RANBP17: variants seen among roughly 807,000 people sequenced by gnomAD.
RANBP17 encodes the protein RAN binding protein 17.
A neutral mutation model predicts 141.2 loss-of-function variants in RANBP17; 158 were observed. That is an observed-to-expected ratio of 1.12 (90% CI 0.98 to 1.28). RANBP17 has a LOEUF of 1.28. RANBP17 is among the 50% of genes most tolerant of loss of function. RANBP17 has a pLI of 0.00. For synonymous variants in RANBP17, 430 were observed against 450.0 expected (o/e 0.96, Z 0.56); for missense variants, 1,438 against 1,290.7 (o/e 1.11, Z -1.75).
chr5:171,153,800 G>A (rs960792197), intron 14 of RANBP17, among the ~76,000 whole-genome samples: 87 of 152,256 alleles, frequency 5.7e-4, no homozygotes, highest in African/African-American at 2.1e-3. Flanking sequence ...GTAATCTTCA[G>A]GCGGATCACC....
At chr5:170,927,216 T>G (rs1772999556) in intron 12 of RANBP17, among the ~76,000 whole-genome samples, 1 of 152,120 alleles carries the variant, frequency 6.6e-6, no homozygotes, top group South Asian at 2.1e-4. Flanking sequence ...TACCATTTAC[T>G]TGTCCACTAG....
At chr5:171,040,349 A>AG (rs1216098854) in intron 14 of RANBP17, among the ~76,000 whole-genome samples, 2 of 152,172 alleles carry the variant, frequency 1.3e-5, no homozygotes, top group African/African-American at 4.8e-5. Context: ...AGTCAGAGCC[A>AG]GGGACTTTCT....
intron 13 of RANBP17, among the ~76,000 whole-genome samples, chr5:170,954,004 G>A (rs1464795869): frequency 6.6e-6 from 1 of 152,110 alleles, no homozygotes; most frequent in African/African-American, 2.4e-5. Flanking sequence ...TATTGGAAAG[G>A]TGGCAAAATT....
intron 14 of RANBP17, among the ~76,000 whole-genome samples, chr5:171,063,692 G>C (rs572717063): frequency 6.6e-6 from 1 of 152,206 alleles, no homozygotes; most frequent in Admixed American, 6.5e-5. Context: ...TCTCTTCAAA[G>C]CTCTCAGACA....
chr5:171,257,764 C>T (rs1765997973), intron 24 of RANBP17, among the ~76,000 whole-genome samples: 1 of 152,074 alleles, frequency 6.6e-6, no homozygotes, highest in Admixed American at 6.5e-5. Flanking sequence ...CAATAATGAT[C>T]TATCCGAGAA....
intron 14 of RANBP17, among the ~76,000 whole-genome samples, chr5:171,070,101 A>G (rs1000300755): frequency 4.6e-5 from 7 of 152,176 alleles, no homozygotes; most frequent in Admixed American, 2.0e-4. Flanking sequence ...TCTTGACAGA[A>G]AAAAATCTAA....
At chr5:170,994,279 T>C (rs1375768011) in intron 14 of RANBP17, among the ~76,000 whole-genome samples, 1 of 152,034 alleles carries the variant, frequency 6.6e-6, no homozygotes, top group African/African-American at 2.4e-5. Context: ...ATTATTTGAA[T>C]TGGTAGAAAA....
intron 22 of RANBP17, among the ~76,000 whole-genome samples, chr5:171,236,538 A>G (rs1199093648): frequency 2.0e-5 from 3 of 152,174 alleles, no homozygotes; most frequent in African/African-American, 7.2e-5. Context: ...GTAAATGAAA[A>G]GGACTAGAGG....
chr5:170,886,651 C>CTTTTTT (rs3080616), intron 3 of RANBP17, among the ~76,000 whole-genome samples: 4 of 87,860 alleles, frequency 4.6e-5, no homozygotes, highest in African/African-American at 1.8e-4. Context: ...TTTGAGGTGC[C>CTTTTTT]TTTTTTTTTT....
At chr5:170,862,954 A>G (rs372222517) in intron 1 of RANBP17, among the ~76,000 whole-genome samples, 1 of 152,210 alleles carries the variant, frequency 6.6e-6, no homozygotes, top group African/African-American at 2.4e-5. Flanking sequence ...GTGTATGTTG[A>G]GAAGGAGTGA....
At chr5:170,896,325 A>G (rs1770117395) in intron 5 of RANBP17, 1 of 507,464 alleles carries the variant, frequency 2.0e-6, no homozygotes, top group Admixed American at 3.8e-5. Flanking sequence ...GCAATAGTAC[A>G]GAGTATTACA....
At chr5:170,868,993 A>G (rs977448771) in intron 1 of RANBP17, among the ~76,000 whole-genome samples, 1 of 152,134 alleles carries the variant, frequency 6.6e-6, no homozygotes. Flanking sequence ...ACCAGGTATA[A>G]GTTTGTTACC....
chr5:171,253,975 C>T (rs1283317060), intron 24 of RANBP17, among the ~76,000 whole-genome samples: 6 of 152,104 alleles, frequency 3.9e-5, no homozygotes, highest in East Asian at 1.9e-4. Context: ...TGGCTAGGCG[C>T]GGTGGCTCAC....
chr5:171,213,697 A>T lies in RANBP17; in HGVS notation c.2298A>T (p.Thr766=). ...VERWYGEPTC[T]TPILKLMAEL... Reference sequence around the variant, plus strand: ...GGTGGTATGGAGAGCCAACATGTACAACTCCCATCTTGAAACTTATGGCAG... The same window carrying T: ...GGTGGTATGGAGAGCCAACATGTACTACTCCCATCTTGAAACTTATGGCAG... The change falls in exon 21 of 28, where the codon ACA becomes ACT. Residue 766 remains threonine, a synonymous_variant. Transcript: ENST00000523189. 2 of 1,613,794 alleles carry T rather than the reference A, an allele frequency of 1.2e-6. No individual in the cohort carries two copies. Among genetic ancestry groups the T allele is most frequent in the East Asian group, 4.5e-5 (2 of 44,870 alleles).
At chr5:171,055,129 T>C (rs1185226303) in intron 14 of RANBP17, among the ~76,000 whole-genome samples, 1 of 152,174 alleles carries the variant, frequency 6.6e-6, no homozygotes, top group Non-Finnish European at 1.5e-5. Flanking sequence ...TAAAGAGAGC[T>C]TTCCATGAAC....
At chr5:171,275,211 C>G (rs1262852045) in intron 25 of RANBP17, among the ~76,000 whole-genome samples, 2 of 152,146 alleles carry the variant, frequency 1.3e-5, no homozygotes, top group Non-Finnish European at 2.9e-5. Flanking sequence ...ACTCCTGTGC[C>G]TCAGCAGTGA....
In RANBP17 at chr5:170,892,359, G is replaced by A. The variant is rs1769707612; in HGVS notation, c.257-28G>A. Reference sequence around the variant, plus strand: ...CACTATGTTGTTTCTGAAAAGTCCAGATGACCCATGGAGTGTTTTCTTTGT... The same window carrying A: ...CACTATGTTGTTTCTGAAAAGTCCAAATGACCCATGGAGTGTTTTCTTTGT... On this transcript the variant is annotated intron_variant, in intron 3 of 27. Transcript: ENST00000523189. 6 of 1,257,730 alleles carry A rather than the reference G, an allele frequency of 4.8e-6. No homozygotes were observed. In the African/African-American group the frequency reaches 5.2e-5, roughly 11 times the overall value. The allele number at this position is 1,257,730 out of a possible 1,614,324, so 77.9% of individuals were successfully genotyped here.
intron 14 of RANBP17, among the ~76,000 whole-genome samples, chr5:171,020,926 A>G (rs1780810611): frequency 1.3e-5 from 2 of 151,948 alleles, no homozygotes; most frequent in Middle Eastern, 3.4e-3. Context: ...TTTCCTTTCC[A>G]TATTTAGTGC....
intron 22 of RANBP17, among the ~76,000 whole-genome samples, chr5:171,235,693 C>G (rs1354521700): frequency 6.6e-6 from 1 of 152,100 alleles, no homozygotes; most frequent in Non-Finnish European, 1.5e-5. Context: ...CTTCAGCCTC[C>G]TGGGCTCAAG....
Sources: allele counts gnomAD v4.1 joint callset (sites outside exome capture counted in the v4.1 genomes callset), GRCh38; gene constraint gnomAD v4.1.1; transcripts MANE v1.5; gene names NCBI Gene and HGNC (gene_info 2026-07-23, HGNC 2026-07-21).